BCL7A: variants seen among roughly 807,000 people sequenced by gnomAD.
The protein encoded by BCL7A is B-cell CLL/lymphoma 7 protein family member A.
Under a neutral mutation model 28.4 loss-of-function variants are expected in BCL7A, and 11 were observed. The observed-to-expected ratio is 0.39, with a 90% CI of 0.24 to 0.64. BCL7A has a LOEUF of 0.64. Ranked by LOEUF, BCL7A falls within the 30% of genes least tolerant of loss-of-function variation. The probability of loss-of-function intolerance (pLI) is 0.50; values close to 1 mark genes in which losing one functional copy is unlikely to be tolerated. For missense variants in BCL7A, 222 were observed against 274.8 expected (o/e 0.81, Z 1.36); for synonymous variants, 123 against 103.3 (o/e 1.19, Z -1.15).
At chr12:122,042,366 A>ATG (rs1455743727) in intron 3 of BCL7A, among the ~76,000 whole-genome samples, 5 of 152,028 alleles carry the variant, frequency 3.3e-5, no homozygotes, top group African/African-American at 1.2e-4. Flanking sequence ...AAAAATACAC[A>ATG]GCTAGTGGCC....
chr12:122,021,916 TTGTGTGTGTGTGTA>T lies in BCL7A; in HGVS notation c.-162_-149del, dbSNP rs1475375442. 84 of 353,802 alleles carry T rather than the reference TTGTGTGTGTGTGTA, an allele frequency of 2.4e-4. No individual in the cohort carries two copies. The highest frequency in any genetic ancestry group is 2.7e-4 in the Non-Finnish European group (53 of 192,812). The allele number at this position is 353,802 out of a possible 1,614,324, so 21.9% of individuals were successfully genotyped here. A position where few individuals can be genotyped will look rare whatever the true frequency, so the allele number is the denominator to read the frequency against. On this transcript the variant is annotated 5_prime_UTR_variant, in exon 1 of 6. An upstream start codon of the reference 5' UTR is lost. Coordinates refer to ENST00000261822, the MANE Select transcript of BCL7A (RefSeq NM_001024808.3). ...GCCAGGCGCGCGGCGGCCCCGGGCT[TTGTGTGTGTGTGTA>T]TGTGTGTGTGTGTGTGTGTGTGTGT...
Position 122,059,302 on chromosome 12 carries a change from A to G in BCL7A, c.*139A>G. 1.3e-6 allele frequency: 1 copy of G among 758,786 alleles called. No homozygotes were observed. Among genetic ancestry groups the G allele is most frequent in the South Asian group, 1.8e-5 (1 of 55,450 alleles). 47.0% of individuals were successfully genotyped at this position (758,786 alleles called of 1,614,324 possible). A position where few individuals can be genotyped will look rare whatever the true frequency, so the allele number is the denominator to read the frequency against. ...CAAGTTTACCAAGTGCAAATCCAAG[A>G]AGACCCAGAACGGCGTCACTTCTCA... On this transcript the variant is annotated 3_prime_UTR_variant, in exon 6 of 6. Transcript: ENST00000261822. The surrounding 1 kb of genome is among the most constrained non-coding windows in gnomAD (Gnocchi z 4.0).
At chr12:122,030,120 T>C (rs962283975) in intron 1 of BCL7A, among the ~76,000 whole-genome samples, 2 of 152,174 alleles carry the variant, frequency 1.3e-5, no homozygotes, top group Non-Finnish European at 2.9e-5. Context: ...ACATTCAGGC[T>C]GTGTAACCTC....
intron 3 of BCL7A, among the ~76,000 whole-genome samples, chr12:122,042,368 C>T (rs1883979938): frequency 6.6e-6 from 1 of 151,956 alleles, no homozygotes; most frequent in Middle Eastern, 3.4e-3. Context: ...AAATACACAG[C>T]TAGTGGCCGG....
intron 4 of BCL7A, among the ~76,000 whole-genome samples, chr12:122,046,060 TAAAAAAAAA>T (rs776315126): frequency 1.6e-5 from 1 of 62,864 alleles, no homozygotes; most frequent in Non-Finnish European, 2.8e-5. Flanking sequence ...GAGACCTTGC[TAAAAAAAAA>T]AAAAAAAAAA....
At chr12:122,048,839 G>A (rs1016800389) in intron 4 of BCL7A, among the ~76,000 whole-genome samples, 1 of 151,730 alleles carries the variant, frequency 6.6e-6, no homozygotes, top group Non-Finnish European at 1.5e-5. Flanking sequence ...GCCCAGCATG[G>A]CAAAACACTG....
At chr12:122,034,853 C>T (rs1023877642) in intron 2 of BCL7A, among the ~76,000 whole-genome samples, 5 of 152,164 alleles carry the variant, frequency 3.3e-5, no homozygotes, top group South Asian at 4.1e-4. Context: ...ACTCCTCTTG[C>T]GCTTTTGTGC....
At chr12:122,024,458 T>G (rs1883567396) in intron 1 of BCL7A, among the ~76,000 whole-genome samples, 2 of 46,224 alleles carry the variant, frequency 4.3e-5, no homozygotes, top group South Asian at 7.7e-4. Context: ...CTTTGAGGTT[T>G]TTTGTTTTTT....
At chr12:122,050,941 G>A (rs1036228509) in intron 4 of BCL7A, among the ~76,000 whole-genome samples, 5 of 152,194 alleles carry the variant, frequency 3.3e-5, no homozygotes, top group African/African-American at 1.2e-4. Context: ...CCCTTCTGTC[G>A]GGGGAGCGAT....
Position 122,060,385 on chromosome 12 carries a change from C to G in BCL7A, c.*1222C>G, listed in dbSNP as rs150887242. 23 of 232,974 alleles carry G rather than the reference C, an allele frequency of 9.9e-5. No individual in the cohort carries two copies. Among genetic ancestry groups the G allele is most frequent in the Admixed American group, 1.1e-4 (2 of 17,784 alleles). The allele number at this position is 232,974 out of a possible 1,614,324, so 14.4% of individuals were successfully genotyped here. On this transcript the variant is annotated 3_prime_UTR_variant, in exon 6 of 6. Coordinates refer to ENST00000261822, the MANE Select transcript of BCL7A (RefSeq NM_001024808.3). ...CGGGCCTCGAAGGCCACAAACAAGG[C>G]GTCGAGGAATTGGAAAGATTTGCAC...
At chr12:122,025,206 T>G (rs563609039) in intron 1 of BCL7A, among the ~76,000 whole-genome samples, 1 of 152,090 alleles carries the variant, frequency 6.6e-6, no homozygotes, top group African/African-American at 2.4e-5. Context: ...GGCTGCAGCG[T>G]AAGCTTGGAG....
At chr12:122,027,761 C>A (rs975633892) in intron 1 of BCL7A, among the ~76,000 whole-genome samples, 2 of 151,800 alleles carry the variant, frequency 1.3e-5, no homozygotes, top group Admixed American at 6.6e-5. Flanking sequence ...CGCTTGAACC[C>A]GGGAGGCGGA....
chr12:122,043,162 A>G (rs942138545), intron 3 of BCL7A, among the ~76,000 whole-genome samples: 1 of 151,954 alleles, frequency 6.6e-6, no homozygotes, highest in Admixed American at 6.6e-5. Flanking sequence ...CGCCTTGGCA[A>G]TCCCGCCTCA....
At position 122,029,249 on chromosome 12, in the gene BCL7A, G is replaced by A. The variant is rs1046558189; in HGVS notation, c.93-1451G>A. The stretch of plus-strand genomic sequence containing the variant: ...CCACTGGTATAATAAGAAAAGCCGG[G>A]CCGTAGCGTCCTCTGATGGAACACG... On this transcript the variant is annotated intron_variant, in intron 1 of 5. Coordinates refer to ENST00000261822, the MANE Select transcript of BCL7A (RefSeq NM_001024808.3). This position sits in a 1 kb window ranked among gnomAD's most constrained non-coding sequence, Gnocchi z 4.3. Among the ~76,000 whole-genome samples, 15 of 152,196 alleles carry A rather than the reference G, an allele frequency of 9.9e-5. No individual in the cohort carries two copies. The highest frequency in any genetic ancestry group is 6.5e-4 in the Admixed American group (10 of 15,284).
At chr12:122,039,212 G>A (rs1251961240) in intron 3 of BCL7A, among the ~76,000 whole-genome samples, 4 of 151,210 alleles carry the variant, frequency 2.6e-5, no homozygotes, top group Non-Finnish European at 5.9e-5. Flanking sequence ...CAAGAGAATG[G>A]CGTGAACCTG....
chr12:122,024,575 A>T (rs2135836476), intron 1 of BCL7A, among the ~76,000 whole-genome samples: 1 of 149,472 alleles, frequency 6.7e-6, no homozygotes, highest in East Asian at 2.0e-4. Context: ...ATTGGGTCTT[A>T]GACTCAGCCC....
chr12:122,055,282 C>T (rs1300045910), intron 5 of BCL7A, among the ~76,000 whole-genome samples: 1 of 152,212 alleles, frequency 6.6e-6, no homozygotes, highest in Non-Finnish European at 1.5e-5. Flanking sequence ...GCTGGGAAGA[C>T]AAGACTTCAG....
chr12:122,036,225 G>A (rs1330833938), intron 3 of BCL7A, among the ~76,000 whole-genome samples: 1 of 152,090 alleles, frequency 6.6e-6, no homozygotes, highest in Non-Finnish European at 1.5e-5. Flanking sequence ...TTCCTTTGCT[G>A]TTTAATTTCA....
At chr12:122,035,876 T>C (rs941075439) in intron 3 of BCL7A, among the ~76,000 whole-genome samples, 8 of 152,194 alleles carry the variant, frequency 5.3e-5, no homozygotes, top group African/African-American at 1.9e-4. Context: ...AGTTTTGCTC[T>C]GTTGACCAGG....
Sources: gnomAD v4.1 joint callset for allele counts (sites outside exome capture counted in the v4.1 genomes callset) on GRCh38, gnomAD v4.1.1 for gene constraint, Gnocchi (gnomAD v3.1) non-coding constraint, MANE v1.5 for transcripts, NCBI Gene and HGNC (gene_info 2026-07-23, HGNC 2026-07-21) for gene names.